Variants in TOX3 observed in about 807,000 individuals in gnomAD.
TOX3 encodes CAG trinucleotide repeat-containing gene F9 protein.
TOX3 carries 22 observed loss-of-function variants against 64.3 expected under a neutral mutation model. The ratio of observed to expected loss-of-function variants is 0.34; its 90% CI spans 0.24 to 0.49. TOX3 has a LOEUF of 0.49. Among genes scored for constraint, TOX3 ranks in the 20% least tolerant of loss-of-function variants. TOX3 has a pLI of 0.99. For synonymous variants in TOX3, 291 were observed against 273.6 expected (o/e 1.06, Z -0.63); for missense variants, 661 against 714.4 (o/e 0.93, Z 0.85).
At chr16:52,472,405 T>C (rs1961075092) in intron 1 of TOX3, among the ~76,000 whole-genome samples, 1 of 152,212 alleles carries the variant, frequency 6.6e-6, no homozygotes, top group Non-Finnish European at 1.5e-5. Context: ...AAGCCCTTTA[T>C]TGACAATATT....
chr16:52,498,139 G>A (rs141706965), intron 1 of TOX3, among the ~76,000 whole-genome samples: 24 of 152,166 alleles, frequency 1.6e-4, no homozygotes, highest in East Asian at 9.7e-4. Flanking sequence ...TGACATTCAC[G>A]CTGCCTCTCC....
At chr16:52,473,548 T>C (rs1961111638) in intron 1 of TOX3, among the ~76,000 whole-genome samples, 1 of 152,138 alleles carries the variant, frequency 6.6e-6, no homozygotes, top group Admixed American at 6.5e-5. Context: ...GACTGCAAAG[T>C]CCACACGCAC....
intron 1 of TOX3, among the ~76,000 whole-genome samples, chr16:52,517,815 A>C (rs1962497374): frequency 6.6e-6 from 1 of 152,180 alleles, no homozygotes; most frequent in South Asian, 2.1e-4. Context: ...AAAGTATCAA[A>C]AACGTTTCTA....
At chr16:52,504,542 C>T (rs548264843) in intron 1 of TOX3, among the ~76,000 whole-genome samples, 6 of 152,116 alleles carry the variant, frequency 3.9e-5, no homozygotes, top group Admixed American at 1.3e-4. Flanking sequence ...CACAACTTCC[C>T]ACATACACAC....
At chr16:52,539,574 G>T (rs1963031537) in intron 1 of TOX3, among the ~76,000 whole-genome samples, 2 of 152,176 alleles carry the variant, frequency 1.3e-5, no homozygotes, top group Non-Finnish European at 2.9e-5. Flanking sequence ...CAGGTCCAAG[G>T]ATGTTGTCCT....
intron 5 of TOX3, chr16:52,445,077 T>A (rs1477456241): frequency 6.6e-6 from 1 of 152,176 alleles, no homozygotes; most frequent in East Asian, 1.9e-4. Flanking sequence ...ACTTTTCCAG[T>A]CCCTCAGAAT....
chr16:52,476,041 T>G (rs1375978131), intron 1 of TOX3, among the ~76,000 whole-genome samples: 1 of 152,232 alleles, frequency 6.6e-6, no homozygotes, highest in Non-Finnish European at 1.5e-5. Flanking sequence ...GAGCACAGGC[T>G]GTTTTGTTGA....
chr16:52,501,260 T>C lies in TOX3; in HGVS notation c.88-32686A>G, dbSNP rs1050743976. Among the ~76,000 whole-genome samples the C allele has an allele frequency of 1.1e-4, 17 of 152,314 alleles. No homozygotes were observed. The South Asian group carries it at 1.9e-3, about 17-fold the overall frequency. ...TCTCTTTAATAACATGGGCACCCAATTGCAACATATGCAGGTTTGTTTATT... is the reference window on the plus strand; with the variant it reads ...TCTCTTTAATAACATGGGCACCCAACTGCAACATATGCAGGTTTGTTTATT... On this transcript the variant is annotated intron_variant, in intron 1 of 6. Coordinates refer to ENST00000219746, the MANE Select transcript of TOX3 (RefSeq NM_001080430.4).
chr16:52,480,997 T>C (rs1961355745), intron 1 of TOX3, among the ~76,000 whole-genome samples: 1 of 152,036 alleles, frequency 6.6e-6, no homozygotes, highest in Non-Finnish European at 1.5e-5. Context: ...CTAAACATCC[T>C]ACAATTCACG....
At chr16:52,541,284 T>C (rs536124528) in intron 1 of TOX3, among the ~76,000 whole-genome samples, 130 of 152,306 alleles carry the variant, frequency 8.5e-4, no homozygotes, top group African/African-American at 3.0e-3. Context: ...TGATCTGCAA[T>C]TTGTCTGGTG....
At chr16:52,520,099 C>G (rs1352898619) in intron 1 of TOX3, among the ~76,000 whole-genome samples, 1 of 151,888 alleles carries the variant, frequency 6.6e-6, no homozygotes, top group African/African-American at 2.4e-5. Context: ...TCCCATATAT[C>G]TAATTTTATG....
At chr16:52,477,681 A>T (rs150635486) in intron 1 of TOX3, among the ~76,000 whole-genome samples, 1 of 152,240 alleles carries the variant, frequency 6.6e-6, no homozygotes, top group Admixed American at 6.5e-5. Context: ...GTCATTGTGT[A>T]CAAGCTTGCT....
At chr16:52,528,976 T>G (rs1199137848) in intron 1 of TOX3, among the ~76,000 whole-genome samples, 2 of 152,188 alleles carry the variant, frequency 1.3e-5, no homozygotes. Context: ...GGGAGCTAAC[T>G]CAGGGATCAT....
chr16:52,526,158 A>G (rs1277221031), intron 1 of TOX3, among the ~76,000 whole-genome samples: 1 of 152,170 alleles, frequency 6.6e-6, no homozygotes, highest in Non-Finnish European at 1.5e-5. Context: ...AGAGGATGGT[A>G]TTTTTTTCCC....
Position 52,464,162 on chromosome 16 carries a change from C to T in TOX3, c.180G>A (p.Gly60=). The T allele has an allele frequency of 6.4e-7, 1 of 1,569,504 alleles. No individual in the cohort carries two copies. The highest frequency in any genetic ancestry group is 8.6e-7 in the Non-Finnish European group (1 of 1,156,260). ...TTGGTGGAATTTCGAATTCCTCGTC[C>T]CCAAGGCTTGGTGTGTGGAATGTCT... The part of the protein sequence containing the change: ...SEQTFHTPSL[G]DEEFEIPPIT... The change falls in exon 3 of 7, where the codon GGG becomes GGA. Residue 60 remains glycine, a synonymous_variant. Coordinates refer to ENST00000219746, the MANE Select transcript of TOX3 (RefSeq NM_001080430.4).
In TOX3 at chr16:52,438,997, G is replaced by A. The variant is rs1205042169; in HGVS notation, c.*228C>T. On this transcript the variant is annotated 3_prime_UTR_variant, in exon 7 of 7. Coordinates refer to ENST00000219746, the MANE Select transcript of TOX3 (RefSeq NM_001080430.4). ...TAAATAAAAAAGGCATCACATAAAA[G>A]AGCACAGCTTTTCTTGTTTAAAAAC... The A allele has an allele frequency of 2.8e-6, 2 of 724,446 alleles. No homozygotes were observed. Among genetic ancestry groups the A allele is most frequent in the South Asian group, 1.4e-5 (1 of 70,968 alleles). The allele number at this position is 724,446 out of a possible 1,614,324, so 44.9% of individuals were successfully genotyped here. A position where few individuals can be genotyped will look rare whatever the true frequency, so the allele number is the denominator to read the frequency against.
intron 6 of TOX3, 138 bp downstream of exon 6, chr16:52,444,138 G>T: frequency 1.7e-6 from 1 of 576,830 alleles, no homozygotes; most frequent in East Asian, 2.9e-5. Flanking sequence ...ATCTCTAATG[G>T]AAACGCCTAA....
At chr16:52,514,282 T>C (rs1282209084) in intron 1 of TOX3, among the ~76,000 whole-genome samples, 1 of 152,204 alleles carries the variant, frequency 6.6e-6, no homozygotes, top group Non-Finnish European at 1.5e-5. Context: ...CATACAAGTT[T>C]AACAAATTCC....
intron 3 of TOX3, among the ~76,000 whole-genome samples, chr16:52,462,176 C>G (rs1352735104): frequency 1.3e-5 from 2 of 152,090 alleles, no homozygotes; most frequent in Non-Finnish European, 2.9e-5. Context: ...ACAGCCTGCA[C>G]TTAGCTAAAG....
Sources: allele counts gnomAD v4.1 joint callset (sites outside exome capture counted in the v4.1 genomes callset), GRCh38; gene constraint gnomAD v4.1.1; transcripts MANE v1.5; gene names NCBI Gene and HGNC (gene_info 2026-07-23, HGNC 2026-07-21).